The following MYO1B variants were observed in gnomAD, a reference collection of about 807,000 sequenced individuals.
MYO1B encodes unconventional myosin-Ib.
A neutral mutation model predicts 159.7 loss-of-function variants in MYO1B; 72 were observed. The ratio of observed to expected loss-of-function variants is 0.45; its 90% CI spans 0.37 to 0.55. The LOEUF is 0.55. MYO1B is among the 20% of genes least tolerant of loss of function. MYO1B has a pLI of 0.00. For synonymous variants in MYO1B, 468 were observed against 473.8 expected (o/e 0.99, Z 0.16); for missense variants, 1,062 against 1,364.8 (o/e 0.78, Z 3.50).
intron 7 of MYO1B, among the ~76,000 whole-genome samples, chr2:191,359,463 A>AT (rs1240542942): frequency 2.0e-5 from 3 of 151,914 alleles, no homozygotes; most frequent in African/African-American, 7.3e-5. Context: ...GTACTTACAT[A>AT]TTTTTGTTCT....
chr2:191,391,107 G>C (rs1037904278), intron 18 of MYO1B, among the ~76,000 whole-genome samples: 4 of 152,228 alleles, frequency 2.6e-5, no homozygotes, highest in African/African-American at 4.8e-5. Flanking sequence ...CTCTCCACAG[G>C]CAGAGAGAAC....
At chr2:191,339,366 A>G (rs1296940489) in intron 4 of MYO1B, among the ~76,000 whole-genome samples, 1 of 152,246 alleles carries the variant, frequency 6.6e-6, no homozygotes, top group Admixed American at 6.5e-5. Flanking sequence ...GTGATGGCTC[A>G]GGACAGCCTG....
At chr2:191,281,525 C>A (rs1688060608) in intron 2 of MYO1B, among the ~76,000 whole-genome samples, 1 of 152,208 alleles carries the variant, frequency 6.6e-6, no homozygotes, top group South Asian at 2.1e-4. Context: ...TGTTTGCTTT[C>A]TGTCCTTTGT....
chr2:191,354,334 A>G (rs1042239229), intron 7 of MYO1B, among the ~76,000 whole-genome samples: 5 of 151,206 alleles, frequency 3.3e-5, no homozygotes, highest in Admixed American at 2.6e-4. Context: ...GAATGAATGA[A>G]TGATCACAAA....
Position 191,409,104 on chromosome 2 carries a change from A to C in MYO1B, c.2692A>C (p.Asn898His). 1 of 1,613,582 alleles carries C rather than the reference A, an allele frequency of 6.2e-7. No individual in the cohort carries two copies. Among genetic ancestry groups the C allele is most frequent in the South Asian group, 1.1e-5 (1 of 90,828 alleles). Residue 898 changes from asparagine to histidine, a missense_variant, in exon 26 of 31, where the codon AAT becomes CAT. Asn to His is a moderately conservative substitution (Grantham distance 68, BLOSUM62 1). Around this residue, in one of 5 missense-constraint regions of MYO1B, gnomAD observed 609 missense variants for 744.4 expected, o/e 0.82. Transcript: ENST00000392318. The part of the protein sequence containing the change: ...KMPSLSPIDK[N>H]WPSRPYLFLD... ...GCCTTCCTTATCTCCAATAGACAAG[A>C]ATTGGCCCTCAAGACCTTACTTATT...
chr2:191,325,935 C>G (rs1691032561), intron 3 of MYO1B, among the ~76,000 whole-genome samples: 1 of 151,978 alleles, frequency 6.6e-6, no homozygotes, highest in Admixed American at 6.6e-5. Flanking sequence ...AAGTTTGGCT[C>G]TCAAAGAACA....
intron 29 of MYO1B, 86 bp downstream of exon 29, chr2:191,414,755 T>C: frequency 7.0e-7 from 1 of 1,429,514 alleles, no homozygotes; most frequent in African/African-American, 1.4e-5. Context: ...TATCGCAGTT[T>C]ATATATCTGC....
intron 1 of MYO1B, among the ~76,000 whole-genome samples, chr2:191,256,888 A>G (rs1389913841): frequency 6.6e-6 from 1 of 152,096 alleles, no homozygotes; most frequent in Non-Finnish European, 1.5e-5. Flanking sequence ...TCTTTAGCAG[A>G]AGTATCCCCA....
intron 4 of MYO1B, among the ~76,000 whole-genome samples, chr2:191,334,874 A>G (rs571566689): frequency 2.6e-5 from 4 of 152,222 alleles, no homozygotes; most frequent in African/African-American, 9.6e-5. Flanking sequence ...TTAAACCTTA[A>G]TTTTTTCTTT....
chr2:191,362,224 G>T, intron 8 of MYO1B, 44 bp from the exon 9 acceptor site: 1 of 1,453,242 alleles, frequency 6.9e-7, no homozygotes. Context: ...TTAAAGATTG[G>T]ATTTATTGAA....
At chr2:191,298,092 T>C (rs554425353) in intron 3 of MYO1B, among the ~76,000 whole-genome samples, 1 of 152,370 alleles carries the variant, frequency 6.6e-6, no homozygotes, top group African/African-American at 2.4e-5. Context: ...AAGGAACATA[T>C]ATATACCACT....
rs1685721370 is a variant in MYO1B, at chr2:191,245,452, G to A, written c.-184G>A. On this transcript the variant is annotated 5_prime_UTR_variant, in exon 1 of 31. Coordinates refer to ENST00000392318, the MANE Select transcript of MYO1B (RefSeq NM_001130158.3). ...ACGGGAGCCTCAACCGCGGCGCGTG[G>A]AGGCAGTACCAGAGCGCGCGGCGCG... 1 of 152,062 alleles carries A rather than the reference G, an allele frequency of 6.6e-6. No individual in the cohort carries two copies. Among genetic ancestry groups the A allele is most frequent in the African/African-American group, 2.4e-5 (1 of 41,434 alleles). The allele number at this position is 152,062 out of a possible 1,614,324, so 9.4% of individuals were successfully genotyped here. A position where few individuals can be genotyped will look rare whatever the true frequency, so the allele number is the denominator to read the frequency against.
At chr2:191,312,609 C>A (rs910530309) in intron 3 of MYO1B, among the ~76,000 whole-genome samples, 19 of 152,148 alleles carry the variant, frequency 1.2e-4, no homozygotes, top group Non-Finnish European at 1.5e-5. Context: ...TACATGGATA[C>A]TTTGTTGCTT....
Position 191,392,121 on chromosome 2 carries a change from G to A in MYO1B, c.1996G>A (p.Val666Ile), listed in dbSNP as rs1695792699. Residue 666 changes from valine to isoleucine, a missense_variant, in exon 19 of 31, where the codon GTC (valine) becomes ATC (isoleucine). Transcript: ENST00000392318. The stretch of plus-strand genomic sequence containing the variant: ...TTATTTTTTTAGGTCTGGTGTGGAG[G>A]TCCTATTTAATGAATTAGAAATTCC... ...WKGPARSGVE[V>I]LFNELEIPVE... 1.2e-6 allele frequency: 2 copies of A among 1,606,990 alleles called. No individual in the cohort carries two copies. Among genetic ancestry groups the A allele is most frequent in the East Asian group, 4.5e-5 (2 of 44,732 alleles).
intron 10 of MYO1B, 70 bp from the exon 11 acceptor site, chr2:191,364,088 A>C: frequency 7.4e-7 from 1 of 1,348,108 alleles, no homozygotes; most frequent in Non-Finnish European, 1.1e-6. Flanking sequence ...AGAACATCCT[A>C]AGCCTTCAAA....
Position 191,339,191 on chromosome 2 carries a change from C to G in MYO1B, c.347-2270C>G, listed in dbSNP as rs183193550. ...CTAGATAGCACCGGATGTTAGGAAC[C>G]TGCTAGGAGGGCAGCCTCACCTGAA... On this transcript the variant is annotated intron_variant, in intron 4 of 30. Coordinates refer to ENST00000392318, the MANE Select transcript of MYO1B (RefSeq NM_001130158.3). 3.9e-5 allele frequency among the ~76,000 whole-genome samples: 6 copies of G among 152,216 alleles called. No individual in the cohort carries two copies. In the East Asian group the frequency reaches 1.2e-3, roughly 29 times the overall value.
At chr2:191,403,839 T>C (rs1696753244) in intron 24 of MYO1B, among the ~76,000 whole-genome samples, 1 of 152,190 alleles carries the variant, frequency 6.6e-6, no homozygotes, top group Non-Finnish European at 1.5e-5. Flanking sequence ...CAAACAAAAG[T>C]AAACATTTTC....
chr2:191,301,735 T>C (rs1574377859), intron 3 of MYO1B, among the ~76,000 whole-genome samples: 2 of 152,370 alleles, frequency 1.3e-5, no homozygotes, highest in South Asian at 4.1e-4. Flanking sequence ...AGTCGATACT[T>C]AATCTCCTTC....
At chr2:191,257,408 C>T (rs1686518580) in intron 1 of MYO1B, among the ~76,000 whole-genome samples, 1 of 152,090 alleles carries the variant, frequency 6.6e-6, no homozygotes, top group Non-Finnish European at 1.5e-5. Flanking sequence ...TGTGTTGCTG[C>T]CATTTTGGTA....
Sources: gnomAD v4.1 joint callset for allele counts (sites outside exome capture counted in the v4.1 genomes callset) on GRCh38, gnomAD v4.1.1 for gene constraint, gnomAD v4.1.1 regional missense constraint, MANE v1.5 for transcripts, NCBI Gene and HGNC (gene_info 2026-07-23, HGNC 2026-07-21) for gene names.